CERS4: variants seen among roughly 807,000 people sequenced by gnomAD.
The protein encoded by CERS4 is ceramide synthase 4.
A neutral mutation model predicts 51.8 loss-of-function variants in CERS4; 65 were observed. The observed-to-expected ratio is 1.26, with a 90% CI of 1.03 to 1.54. The LOEUF (loss-of-function observed/expected upper bound fraction) is 1.54, where lower values mean the gene tolerates loss of function less well. Among genes scored for constraint, CERS4 ranks in the 40% most tolerant of loss-of-function variants. CERS4 has a pLI of 0.00. For missense variants in CERS4, 563 were observed against 500.4 expected, an observed-to-expected ratio of 1.13 and a Z score of -1.19; for synonymous variants, 228 against 208.4, an observed-to-expected ratio of 1.09 and a Z score of -0.81.
rs200941424 is a variant in CERS4, at chr19:8,254,477, G to A, written c.174-22G>A. The A allele has an allele frequency of 5.9e-5, 95 of 1,608,670 alleles. No individual in the cohort carries two copies. The Admixed American group carries it at 1.6e-3, about 27-fold the overall frequency. On this transcript the variant is annotated intron_variant, in intron 3 of 11. Transcript: ENST00000251363. ...CCCATCTCTTCACCTGGGCTGATAG[G>A]CTCTGTCTCCTTTGCACCCAGATTC...
At chr19:8,244,619 A>C (rs1439109413) in intron 2 of CERS4, among the ~76,000 whole-genome samples, 1 of 152,174 alleles carries the variant, frequency 6.6e-6, no homozygotes, top group Non-Finnish European at 1.5e-5. Flanking sequence ...GACATGCCAG[A>C]GCACCCTCTT....
At chr19:8,213,869 G>A (rs1019925582) in intron 2 of CERS4, among the ~76,000 whole-genome samples, 2 of 152,154 alleles carry the variant, frequency 1.3e-5, no homozygotes, top group Non-Finnish European at 2.9e-5. Context: ...GGGAGGTTGA[G>A]ACAGGAGAAT....
At chr19:8,258,356 T>C (rs1969505976) in intron 10 of CERS4, among the ~76,000 whole-genome samples, 1 of 152,070 alleles carries the variant, frequency 6.6e-6, no homozygotes, top group African/African-American at 2.4e-5. Flanking sequence ...GAGCAGATGG[T>C]AAGTGAGGCA....
Position 8,262,323 on chromosome 19 carries a change from T to G in CERS4, c.*214T>G, listed in dbSNP as rs2031612240. On this transcript the variant is annotated 3_prime_UTR_variant, in exon 12 of 12. Coordinates refer to ENST00000251363, the MANE Select transcript of CERS4 (RefSeq NM_024552.3). The stretch of plus-strand genomic sequence containing the variant: ...CTGGACAGATCTGGGAGCCAGCAGC[T>G]GGATGCTGTGGCTGGCCAGAGACAC... The G allele has an allele frequency of 2.3e-6, 1 of 434,378 alleles. No individual in the cohort carries two copies. The highest frequency in any genetic ancestry group is 3.5e-5 in the East Asian group (1 of 28,438). 26.9% of individuals were successfully genotyped at this position (434,378 alleles called of 1,614,324 possible).
chr19:8,228,724 T>TA (rs72528600), intron 2 of CERS4, among the ~76,000 whole-genome samples: 52,920 of 150,076 alleles, frequency 0.35, 9,581 homozygotes, highest in South Asian at 0.42. Context: ...CCACTCCTTA[T>TA]AAAAAAAAAT....
rs773042811 is a variant in CERS4, at chr19:8,255,674, G to C, written c.359G>C (p.Arg120Thr). The C allele has an allele frequency of 1.9e-5, 31 of 1,612,968 alleles. No individual in the cohort carries two copies. The highest frequency in any genetic ancestry group is 2.5e-5 in the Non-Finnish European group (29 of 1,179,884). ...TLQQTQRWFR[R>T]RRNQDRPQLT... ...CAGCAGACCCAGCGATGGTTCCGGA[G>C]ACGCCGGAACCAGGATCGACCCCAG... is the stretch of plus-strand genomic sequence containing the variant. The change falls in exon 5 of 12, where the codon AGA becomes ACA. Residue 120 changes from arginine (R) to threonine (T), a missense_variant. Coordinates refer to ENST00000251363, the MANE Select transcript of CERS4 (RefSeq NM_024552.3).
chr19:8,239,820 A>G (rs191184368), intron 2 of CERS4, among the ~76,000 whole-genome samples: 13 of 152,276 alleles, frequency 8.5e-5, no homozygotes, highest in African/African-American at 2.9e-4. Flanking sequence ...CCATCTGTCT[A>G]TTCTACTCAT....
intron 10 of CERS4, among the ~76,000 whole-genome samples, chr19:8,260,533 G>GGAA (rs145927636): frequency 6.8e-6 from 1 of 146,138 alleles, no homozygotes; most frequent in African/African-American, 2.5e-5. Context: ...GAGTTCCAAG[G>GGAA]AAAAAAAAAA....
chr19:8,233,370 T>C (rs1048143928), intron 2 of CERS4, among the ~76,000 whole-genome samples: 4 of 152,060 alleles, frequency 2.6e-5, no homozygotes, highest in African/African-American at 9.7e-5. Flanking sequence ...TTTCACCATG[T>C]TGGCCAGGCT....
At chr19:8,251,346 A>G (rs1599577633) in intron 3 of CERS4, 97 bp downstream of exon 3, 1 of 1,458,060 alleles carries the variant, frequency 6.9e-7, no homozygotes, top group South Asian at 1.5e-5. Context: ...TGTCCCGAGT[A>G]GAAGCTGGCT....
intron 4 of CERS4, 148 bp from the exon 5 acceptor site, chr19:8,255,459 C>G: frequency 2.8e-6 from 2 of 724,394 alleles, no homozygotes; most frequent in Non-Finnish European, 2.4e-6. Context: ...GCTGGGACCC[C>G]CAACACTGCC....
chr19:8,211,690 G>A (rs1475663175), intron 2 of CERS4, among the ~76,000 whole-genome samples: 4 of 151,944 alleles, frequency 2.6e-5, no homozygotes, highest in African/African-American at 9.7e-5. Flanking sequence ...TCAGGAGTTC[G>A]AGAGCAGCCT....
intron 2 of CERS4, among the ~76,000 whole-genome samples, chr19:8,226,033 T>TA (rs1967773835): frequency 6.6e-6 from 1 of 151,816 alleles, no homozygotes; most frequent in South Asian, 2.1e-4. Context: ...CCGTCTCTAC[T>TA]AAAAAATGCA....
chr19:8,220,534 G>A (rs1312922281), intron 2 of CERS4, among the ~76,000 whole-genome samples: 2 of 152,084 alleles, frequency 1.3e-5, no homozygotes, highest in African/African-American at 4.8e-5. Context: ...GGAACTCCTG[G>A]CCTCAGGTGA....
chr19:8,214,970 AG>A (rs1464917776), intron 2 of CERS4, among the ~76,000 whole-genome samples: 1 of 60,328 alleles, frequency 1.7e-5, no homozygotes, highest in Admixed American at 1.4e-4. Context: ...GGGGAGGAGG[AG>A]AAAAAGGAAG....
At position 8,262,042 on chromosome 19, in the gene CERS4, C is replaced by T. The variant is rs1206639317; in HGVS notation, c.1118C>T (p.Ala373Val). ...KNGAAGGPRP[A>V]PTDGPRSRVA... ...GGGGCAGCTGGAGGGCCCAGGCCAG[C>T]CCCCACTGATGGCCCTCGGAGCCGG... Residue 373 changes from alanine to valine, a missense_variant, in exon 12 of 12, where the codon GCC becomes GTC. Physicochemically the swap from Ala to Val is moderately conservative, Grantham distance 64 (BLOSUM62 0). Coordinates refer to ENST00000251363, the MANE Select transcript of CERS4 (RefSeq NM_024552.3). 4 of 1,552,526 alleles carry T rather than the reference C, an allele frequency of 2.6e-6. No homozygotes were observed. The highest frequency in any genetic ancestry group is 3.5e-6 in the Non-Finnish European group (4 of 1,153,032).
intron 2 of CERS4, among the ~76,000 whole-genome samples, chr19:8,217,483 A>G (rs1967348304): frequency 6.7e-6 from 1 of 148,856 alleles, no homozygotes; most frequent in Non-Finnish European, 1.5e-5. Context: ...ATCCTCCTGC[A>G]TCAGCTTCCT....
chr19:8,262,146 C>T lies in CERS4; in HGVS notation c.*37C>T. 1 of 1,428,678 alleles carries T rather than the reference C, an allele frequency of 7.0e-7. No homozygotes were observed. Among genetic ancestry groups the T allele is most frequent in the Admixed American group, 3.0e-5 (1 of 33,186 alleles). The allele number at this position is 1,428,678 out of a possible 1,614,324, so 88.5% of individuals were successfully genotyped here. A position where few individuals can be genotyped will look rare whatever the true frequency, so the allele number is the denominator to read the frequency against. On this transcript the variant is annotated 3_prime_UTR_variant, in exon 12 of 12. Coordinates refer to ENST00000251363, the MANE Select transcript of CERS4 (RefSeq NM_024552.3). ...TGGCTGTAAGGGGTTGCCCCCCCGC[C>T]AGTGCCTTGGATATTTCTGGGGTGA...
rs766174359 is a variant in CERS4 at position 8,262,091 on chromosome 19, G to A, written c.1167G>A (p.Arg389=). 2 of 1,503,186 alleles carry A rather than the reference G, an allele frequency of 1.3e-6. No homozygotes were observed. Among genetic ancestry groups the A allele is most frequent in the Admixed American group, 4.8e-5 (2 of 41,272 alleles). The allele number at this position is 1,503,186 out of a possible 1,614,324, so 93.1% of individuals were successfully genotyped here. A position where few individuals can be genotyped will look rare whatever the true frequency, so the allele number is the denominator to read the frequency against. The change falls in exon 12 of 12, where the codon AGG becomes AGA. Residue 389 remains arginine (R), a synonymous_variant. Coordinates refer to ENST00000251363, the MANE Select transcript of CERS4 (RefSeq NM_024552.3). The stretch of plus-strand genomic sequence containing the variant: ...GGGTGGCCGGGCGTCTGACCAACAG[G>A]CACACAACAGCCACATAGCCGGGCG... ...RSRVAGRLTN[R]HTTAT is the part of the protein sequence containing the mutation.
Sources: allele counts gnomAD v4.1 joint callset (sites outside exome capture counted in the v4.1 genomes callset), GRCh38; gene constraint gnomAD v4.1.1; transcripts MANE v1.5; gene names NCBI Gene and HGNC (gene_info 2026-07-23, HGNC 2026-07-21).